Variants in MED14 observed in about 807,000 individuals in gnomAD.
The protein encoded by MED14 is mediator of RNA polymerase II transcription subunit 14.
In MED14, 8 loss-of-function variants were observed where a neutral mutation model predicts 109.0. The observed-to-expected ratio is 0.07, with a 90% CI of 0.04 to 0.13. The LOEUF is 0.13. Ranked by LOEUF, MED14 falls within the 10% of genes least tolerant of loss-of-function variation. The pLI, the probability that MED14 is intolerant of heterozygous loss-of-function variation, is 1.00. For missense variants in MED14, 711 were observed against 1,142.4 expected (o/e 0.62, Z 5.44); for synonymous variants, 399 against 408.7 (o/e 0.98, Z 0.29).
At chrX:40,673,466 C>T (rs1929796009) in intron 22 of MED14, among the ~76,000 whole-genome samples, 1 of 112,077 alleles carries the variant, frequency 8.9e-6, no homozygotes, top group Non-Finnish European at 1.9e-5. Context: ...CAACTATTTT[C>T]CTACTTAGAA....
At position 40,713,874 on chromosome X, in the gene MED14, T is replaced by C. The variant is rs1931421782; in HGVS notation, c.556A>G (p.Ile186Val). ...KIIPPDPITKIEKQATLHQLN... is the reference protein window; with the variant it reads ...KIIPPDPITKVEKQATLHQLN... ...TGATGGAGTGTGGCTTGTTTTTCAA[T>C]TTTGGTAATTGGGTCTGGAGGAATA... The change falls in exon 5 of 31, where the codon ATT becomes GTT. Residue 186 changes from isoleucine to valine, a missense_variant. By Grantham distance (29) the Ile-to-Val change is conservative (BLOSUM62 3). This residue lies in a region of MED14 where 388 missense variants were observed against 517.3 expected (regional missense o/e 0.75). Transcript: ENST00000324817. 1.7e-6 allele frequency: 2 copies of C among 1,210,568 alleles called. No homozygotes were observed.
At position 40,650,511 on chromosome X, in the gene MED14, A is replaced by T. The variant is rs1194835754; in HGVS notation, c.*1295T>A. ...CTCGGCATGGTATTATCACTTAAAAATTTTTCCTAAATACCATGAAGTCGG... is the reference window on the plus strand; with the variant it reads ...CTCGGCATGGTATTATCACTTAAAATTTTTTCCTAAATACCATGAAGTCGG... On this transcript the variant is annotated 3_prime_UTR_variant, in exon 31 of 31. Coordinates refer to ENST00000324817, the MANE Select transcript of MED14 (RefSeq NM_004229.4). 1 of 752,269 alleles carries T rather than the reference A, an allele frequency of 1.3e-6. No individual in the cohort carries two copies. Among genetic ancestry groups the T allele is most frequent in the African/African-American group, 2.3e-5 (1 of 43,139 alleles). The allele number at this position is 752,269 out of a possible 1,213,427, so 62.0% of individuals were successfully genotyped here. A position where few individuals can be genotyped will look rare whatever the true frequency, so the allele number is the denominator to read the frequency against.
intron 7 of MED14, among the ~76,000 whole-genome samples, chrX:40,711,632 T>C (rs778674621): frequency 9.1e-6 from 1 of 110,234 alleles, no homozygotes; most frequent in East Asian, 2.8e-4. Flanking sequence ...TATTATTTTG[T>C]GTGTGTGTGT....
intron 24 of MED14, among the ~76,000 whole-genome samples, chrX:40,665,848 T>C (rs1157781226): frequency 8.9e-6 from 1 of 112,183 alleles, no homozygotes; most frequent in Non-Finnish European, 1.9e-5. Flanking sequence ...TGAGCACAGA[T>C]GGCACCATTT....
At chrX:40,719,786 G>T (rs6610457) in intron 3 of MED14, among the ~76,000 whole-genome samples, 1,498 of 111,786 alleles carry the variant, frequency 0.013, 68 homozygotes, top group Admixed American at 0.12. Flanking sequence ...TGGGTGAATA[G>T]TATGGTATGT....
At chrX:40,697,297 T>A (rs1335220149) in intron 12 of MED14, 114 bp from the exon 13 acceptor site, 1 of 459,939 alleles carries the variant, frequency 2.2e-6, no homozygotes, top group Non-Finnish European at 3.6e-6. Context: ...GAAATTTAAC[T>A]GAACTAATAA....
chrX:40,728,529 T>C (rs1052135675), intron 2 of MED14, among the ~76,000 whole-genome samples: 5 of 109,920 alleles, frequency 4.5e-5, no homozygotes, highest in Non-Finnish European at 7.6e-5. Flanking sequence ...CCAAGTGATT[T>C]GGTATAAAAA....
intron 22 of MED14, among the ~76,000 whole-genome samples, 171 bp from the exon 23 acceptor site, chrX:40,672,143 T>C (rs1304733221): frequency 8.9e-6 from 1 of 112,312 alleles, no homozygotes; most frequent in Non-Finnish European, 1.9e-5. Context: ...CCAGCACAAG[T>C]CTTTATAAAC....
chrX:40,723,079 T>C (rs952703511), intron 3 of MED14, among the ~76,000 whole-genome samples: 1 of 112,072 alleles, frequency 8.9e-6, no homozygotes, highest in Non-Finnish European at 1.9e-5. Flanking sequence ...CAGAATATTA[T>C]AACACTGTAA....
At chrX:40,702,073 T>C (rs1930955911) in intron 11 of MED14, among the ~76,000 whole-genome samples, 1 of 111,770 alleles carries the variant, frequency 8.9e-6, no homozygotes, top group Admixed American at 9.5e-5. Context: ...ATACAATCTA[T>C]ATACAAGCTA....
intron 19 of MED14, 65 bp downstream of exon 19, chrX:40,681,786 TG>T (rs1201414964): frequency 1.7e-6 from 1 of 605,887 alleles, no homozygotes; most frequent in African/African-American, 2.3e-5. Context: ...GTAATTTTCA[TG>T]TTTTTTTAAT....
At position 40,650,950 on chromosome X, in the gene MED14, T is replaced by C. The variant is rs1275990064; in HGVS notation, c.*856A>G. 1.3e-6 allele frequency: 1 copy of C among 751,640 alleles called. No individual in the cohort carries two copies. Among genetic ancestry groups the C allele is most frequent in the Non-Finnish European group, 1.6e-6 (1 of 638,318 alleles). The allele number at this position is 751,640 out of a possible 1,213,427, so 61.9% of individuals were successfully genotyped here. A position where few individuals can be genotyped will look rare whatever the true frequency, so the allele number is the denominator to read the frequency against. ...TCCTGACAGAAAAGTTCCCACATCC[T>C]CAACAGATGAGAATGATTGCATTAT... On this transcript the variant is annotated 3_prime_UTR_variant, in exon 31 of 31. Coordinates refer to ENST00000324817, the MANE Select transcript of MED14 (RefSeq NM_004229.4).
chrX:40,692,123 A>T, intron 15 of MED14, 60 bp downstream of exon 15: 1 of 1,090,920 alleles, frequency 9.2e-7, no homozygotes, highest in Non-Finnish European at 1.3e-6. Flanking sequence ...TACCCTCAGC[A>T]ACACATTTTA....
chrX:40,728,004 C>T (rs1049944145), intron 2 of MED14, among the ~76,000 whole-genome samples: 4 of 111,920 alleles, frequency 3.6e-5, no homozygotes, highest in East Asian at 5.6e-4. Flanking sequence ...ATAATTATGA[C>T]TCTTTGCCAG....
intron 3 of MED14, among the ~76,000 whole-genome samples, chrX:40,715,801 AAAAAAAAAAAAG>A (rs1368909750): frequency 1.3e-4 from 13 of 103,515 alleles, no homozygotes; most frequent in Non-Finnish European, 2.4e-4. Context: ...AAAAAAAAAA[AAAAAAAAAAAAG>A]GACAGACAAC....
intron 22 of MED14, 32 bp downstream of exon 22, chrX:40,675,189 T>C (rs1441012928): frequency 8.9e-7 from 1 of 1,127,914 alleles, no homozygotes; most frequent in Non-Finnish European, 1.2e-6. Flanking sequence ...TACAGAAATG[T>C]GATACCACTT....
intron 25 of MED14, among the ~76,000 whole-genome samples, chrX:40,663,973 A>C (rs886975594): frequency 9.0e-6 from 1 of 111,236 alleles, no homozygotes; most frequent in African/African-American, 3.3e-5. Flanking sequence ...CAGGAAAGAC[A>C]CGGCACAATT....
At chrX:40,732,369 A>G (rs1382968201) in intron 1 of MED14, among the ~76,000 whole-genome samples, 1 of 111,774 alleles carries the variant, frequency 8.9e-6, no homozygotes, top group Non-Finnish European at 1.9e-5. Flanking sequence ...AAATACAAAA[A>G]TTAACCAGGT....
chrX:40,658,662 G>A (rs1466400745), intron 28 of MED14, among the ~76,000 whole-genome samples: 1 of 82,359 alleles, frequency 1.2e-5, no homozygotes, highest in Non-Finnish European at 2.2e-5. Flanking sequence ...ACCAGCCTGA[G>A]CAACACGGTG....
Sources: gnomAD v4.1 joint callset for allele counts (sites outside exome capture counted in the v4.1 genomes callset) on GRCh38, gnomAD v4.1.1 for gene constraint, gnomAD v4.1.1 regional missense constraint, MANE v1.5 for transcripts, NCBI Gene and HGNC (gene_info 2026-07-23, HGNC 2026-07-21) for gene names.